MRRF: variants seen among roughly 807,000 people sequenced by gnomAD.
MRRF encodes mitochondrial ribosome recycling factor, also known as ribosome-recycling factor, mitochondrial.
A neutral mutation model predicts 25.1 loss-of-function variants in MRRF; 18 were observed. That is an observed-to-expected ratio of 0.72 (90% confidence interval 0.50 to 1.06). MRRF has a LOEUF of 1.06. Among genes scored for constraint, MRRF ranks in the 50% least tolerant of loss-of-function variants. The pLI, the probability that MRRF is intolerant of heterozygous loss-of-function variation, is 0.00. For missense variants in MRRF, 323 were observed against 319.3 expected (o/e 1.01, Z -0.09); for synonymous variants, 113 against 112.1 (o/e 1.01, Z -0.05).
intron 5 of MRRF, among the ~76,000 whole-genome samples, chr9:122,304,062 AACACAC>A (rs66775611): frequency 0.034 from 4,760 of 139,840 alleles, 197 homozygotes; most frequent in African/African-American, 0.1. Flanking sequence ...ACCCTTTTCT[AACACAC>A]ACACACACAC....
chr9:122,327,565 A>G lies in MRRF; in HGVS notation c.*4948A>G, dbSNP rs1564523198. 6.6e-6 allele frequency: 1 copy of G among 152,120 alleles called. No individual in the cohort carries two copies. Among genetic ancestry groups the G allele is most frequent in the African/African-American group, 2.4e-5 (1 of 41,436 alleles). The allele number at this position is 152,120 out of a possible 1,614,324, so 9.4% of individuals were successfully genotyped here. ...GAGTATGTTGTTTAGGTTTTCCATTATTTTTTGACCCTTTGATGAGTCTTG... is the reference window on the plus strand; with the variant it reads ...GAGTATGTTGTTTAGGTTTTCCATTGTTTTTTGACCCTTTGATGAGTCTTG... On this transcript the variant is annotated 3_prime_UTR_variant, in exon 7 of 7. Coordinates refer to ENST00000344641, the MANE Select transcript of MRRF (RefSeq NM_138777.5).
At chr9:122,320,113 A>C (rs960777182) in intron 6 of MRRF, among the ~76,000 whole-genome samples, 1 of 151,902 alleles carries the variant, frequency 6.6e-6, no homozygotes, top group Non-Finnish European at 1.5e-5. Context: ...GACTCAAGTG[A>C]TCCTCCCACC....
intron 4 of MRRF, among the ~76,000 whole-genome samples, chr9:122,290,075 AAAAG>A (rs1386447811): frequency 2.0e-5 from 3 of 152,140 alleles, no homozygotes; most frequent in Non-Finnish European, 4.4e-5. Flanking sequence ...AGAAAAAAGA[AAAAG>A]AAAAGAAAAA....
Position 122,327,792 on chromosome 9 carries a change from C to G in MRRF, c.*5175C>G, listed in dbSNP as rs542073725. ...CTTGTTGTATATCAGGATTACAGCTCTTGCTTGCTTTTTGTTTACATTTGC... is the reference window on the plus strand; with the variant it reads ...CTTGTTGTATATCAGGATTACAGCTGTTGCTTGCTTTTTGTTTACATTTGC... On this transcript the variant is annotated 3_prime_UTR_variant, in exon 7 of 7. Coordinates refer to ENST00000344641, the MANE Select transcript of MRRF (RefSeq NM_138777.5). The G allele has an allele frequency of 6.6e-6, 1 of 150,656 alleles. No homozygotes were observed. Among genetic ancestry groups the G allele is most frequent in the Admixed American group, 6.6e-5 (1 of 15,148 alleles). The allele number at this position is 150,656 out of a possible 1,614,324, so 9.3% of individuals were successfully genotyped here.
At chr9:122,311,170 G>A (rs1564510056) in intron 5 of MRRF, among the ~76,000 whole-genome samples, 1 of 152,154 alleles carries the variant, frequency 6.6e-6, no homozygotes, top group Admixed American at 6.5e-5. Context: ...CTGAGCAATA[G>A]ATACAGGTAT....
intron 4 of MRRF, chr9:122,285,635 A>C (rs1001813561): frequency 1.3e-5 from 8 of 618,346 alleles, no homozygotes; most frequent in Non-Finnish European, 2.0e-5. Flanking sequence ...GCTCCTGCTG[A>C]TCATTGCCAG....
At chr9:122,275,095 C>CT (rs200378532) in intron 2 of MRRF, among the ~76,000 whole-genome samples, 5,777 of 138,850 alleles carry the variant, frequency 0.042, 348 homozygotes, top group African/African-American at 0.13. Flanking sequence ...TAGTTACCTC[C>CT]TTTTTTTTTT....
chr9:122,287,061 T>G (rs1036010087), intron 4 of MRRF, among the ~76,000 whole-genome samples: 5 of 152,258 alleles, frequency 3.3e-5, no homozygotes, highest in Admixed American at 2.0e-4. Context: ...GCTACTTATA[T>G]TTTGGATCAT....
rs191413215 is a variant in MRRF at position 122,269,008 on chromosome 9, T to A, written c.-28-1856T>A. ...GTGAAACCCCGTCTCTACTAAAAAA[T>A]ACAAAAAATTAGCCGGGCGTGGTGG... On this transcript the variant is annotated intron_variant, in intron 1 of 6. Coordinates refer to ENST00000344641, the MANE Select transcript of MRRF (RefSeq NM_138777.5). Among the ~76,000 whole-genome samples the A allele has an allele frequency of 2.1e-3, 312 of 151,698 alleles. 4 individuals are homozygous for A. The highest frequency in any genetic ancestry group is 6.9e-3 in the African/African-American group (286 of 41,354).
intron 4 of MRRF, chr9:122,285,833 A>G (rs1464582307): frequency 7.8e-7 from 1 of 1,282,734 alleles, no homozygotes; most frequent in South Asian, 1.3e-5. Context: ...CCTGAGGGCC[A>G]CCAATTTGTG....
Position 122,277,099 on chromosome 9 carries a change from A to G in MRRF, c.185-3344A>G, listed in dbSNP as rs574457898. ...GGTCTTGAACTGCTGGGATCAAGCA[A>G]TCTGCCCACCTCAGCCCCACAAAGT... On this transcript the variant is annotated intron_variant, in intron 2 of 6. Coordinates refer to ENST00000344641, the MANE Select transcript of MRRF (RefSeq NM_138777.5). 2.0e-5 allele frequency among the ~76,000 whole-genome samples: 3 copies of G among 152,274 alleles called. No homozygotes were observed. In the East Asian group the frequency reaches 5.8e-4, roughly 29 times the overall value.
chr9:122,296,831 T>A (rs1352820835), intron 5 of MRRF, among the ~76,000 whole-genome samples: 1 of 152,178 alleles, frequency 6.6e-6, no homozygotes, highest in Non-Finnish European at 1.5e-5. Context: ...AGAATAGTGG[T>A]GCTTTGGTTT....
chr9:122,271,814 T>C (rs1399470704), intron 2 of MRRF, among the ~76,000 whole-genome samples: 4 of 152,304 alleles, frequency 2.6e-5, no homozygotes, highest in African/African-American at 7.2e-5. Flanking sequence ...GAATGAGTGA[T>C]AGAAAATTGT....
intron 1 of MRRF, 40 bp from the exon 2 acceptor site, chr9:122,270,824 A>G (rs2119029046): frequency 6.6e-7 from 1 of 1,523,832 alleles, no homozygotes; most frequent in Non-Finnish European, 9.1e-7. Context: ...TTGTACTTAG[A>G]TCTTTTACTT....
chr9:122,292,165 A>G (rs759978824), intron 5 of MRRF, among the ~76,000 whole-genome samples: 5 of 152,192 alleles, frequency 3.3e-5, no homozygotes, highest in Non-Finnish European at 7.4e-5. Context: ...GTGGGATCCA[A>G]TAGAGAGTGA....
At chr9:122,313,713 G>A (rs1835344211) in intron 6 of MRRF, among the ~76,000 whole-genome samples, 1 of 152,200 alleles carries the variant, frequency 6.6e-6, no homozygotes, top group African/African-American at 2.4e-5. Flanking sequence ...CACACTGCTG[G>A]AAATTGGTAG....
intron 5 of MRRF, among the ~76,000 whole-genome samples, chr9:122,303,868 G>C (rs1050461462): frequency 1.3e-5 from 2 of 152,148 alleles, no homozygotes; most frequent in Non-Finnish European, 2.9e-5. Context: ...GGCTGCCGAC[G>C]TGAAACCTAC....
intron 4 of MRRF, among the ~76,000 whole-genome samples, chr9:122,287,513 A>G (rs1288053195): frequency 1.3e-5 from 2 of 151,762 alleles, no homozygotes; most frequent in Admixed American, 1.3e-4. Context: ...TTTAGGGAAT[A>G]GCCTCCTAAT....
chr9:122,317,187 C>G (rs1450424168), intron 6 of MRRF, among the ~76,000 whole-genome samples: 2 of 151,736 alleles, frequency 1.3e-5, no homozygotes. Flanking sequence ...ATTCTTGGTA[C>G]ATACTACTGT....
Sources: allele counts gnomAD v4.1 joint callset (sites outside exome capture counted in the v4.1 genomes callset), GRCh38; gene constraint gnomAD v4.1.1; transcripts MANE v1.5; gene names NCBI Gene and HGNC (gene_info 2026-07-23, HGNC 2026-07-21).